The following C12orf60 variants were observed in gnomAD, a reference collection of about 807,000 sequenced individuals.
The protein encoded by C12orf60 is chromosome 12 open reading frame 60.
For missense variants in C12orf60, 284 were observed against 283.2 expected (o/e 1.00, Z -0.02); for synonymous variants, 102 against 94.6 (o/e 1.08, Z -0.45).
intron 1 of C12orf60, among the ~76,000 whole-genome samples, chr12:14,822,197 G>T (rs1376390989): frequency 6.8e-6 from 1 of 147,962 alleles, no homozygotes; most frequent in African/African-American, 2.5e-5. Flanking sequence ...CCCTGCACCT[G>T]ATTTGCTGTG....
At position 14,820,651 on chromosome 12, in the gene C12orf60, T is replaced by A. The variant is rs541252675; in HGVS notation, c.-24-2261T>A. 1.1e-4 allele frequency among the ~76,000 whole-genome samples: 16 copies of A among 152,220 alleles called. No homozygotes were observed. In the South Asian group the frequency reaches 2.3e-3, roughly 22 times the overall value. ...TTTGTAATTTTTCATGTATCTTCTT[T>A]GTTGACTTCTATTTTAATTCTATTA... On this transcript the variant is annotated intron_variant, in intron 1 of 1. Coordinates refer to ENST00000330828, the MANE Select transcript of C12orf60 (RefSeq NM_175874.4).
Position 14,817,794 on chromosome 12 carries a change from T to C in C12orf60, c.-24-5118T>C, listed in dbSNP as rs184991526. Among the ~76,000 whole-genome samples, 3 of 152,356 alleles carry C rather than the reference T, an allele frequency of 2.0e-5. No individual in the cohort carries two copies. The East Asian group carries it at 5.8e-4, about 29-fold the overall frequency. On this transcript the variant is annotated intron_variant, in intron 1 of 1. Coordinates refer to ENST00000330828, the MANE Select transcript of C12orf60 (RefSeq NM_175874.4). ...TAAATAGTGCTGCAATAAACATACA[T>C]GTGCATGTGTCTTCATAGTAGCATG... is the stretch of plus-strand genomic sequence containing the variant.
intron 1 of C12orf60, among the ~76,000 whole-genome samples, chr12:14,812,768 A>C (rs1213038310): frequency 6.6e-6 from 1 of 151,906 alleles, no homozygotes; most frequent in Non-Finnish European, 1.5e-5. Flanking sequence ...TACAATTTTT[A>C]TTTTAGATTC....
At chr12:14,803,787 G>A (rs1333445767) in intron 1 of C12orf60, 36 bp downstream of exon 1, 3 of 311,594 alleles carry the variant, frequency 9.6e-6, no homozygotes, top group African/African-American at 2.1e-5. Context: ...ACATTCTGCA[G>A]ATAAAGAAGC....
intron 1 of C12orf60, among the ~76,000 whole-genome samples, chr12:14,815,578 A>C (rs1950202428): frequency 6.6e-6 from 1 of 152,198 alleles, no homozygotes. Flanking sequence ...CATTCTGTAG[A>C]TAATAATGAA....
At chr12:14,812,931 A>T (rs570010919) in intron 1 of C12orf60, among the ~76,000 whole-genome samples, 6 of 152,248 alleles carry the variant, frequency 3.9e-5, no homozygotes, top group African/African-American at 1.4e-4. Context: ...GGGAAGAGTA[A>T]GGTTAAATTT....
At chr12:14,821,601 G>T (rs1384384131) in intron 1 of C12orf60, among the ~76,000 whole-genome samples, 1 of 152,106 alleles carries the variant, frequency 6.6e-6, no homozygotes, top group Admixed American at 6.5e-5. Context: ...TTTCAGCTAC[G>T]TAAGTCTCCT....
intron 1 of C12orf60, among the ~76,000 whole-genome samples, chr12:14,813,072 T>C (rs1340944216): frequency 1.3e-5 from 2 of 152,208 alleles, no homozygotes; most frequent in African/African-American, 4.8e-5. Context: ...GGAAAAAAGA[T>C]TGGCCTTGTT....
intron 1 of C12orf60, among the ~76,000 whole-genome samples, chr12:14,818,040 G>T (rs1177407584): frequency 1.3e-5 from 2 of 152,132 alleles, no homozygotes; most frequent in Non-Finnish European, 2.9e-5. Context: ...GCATGAGATG[G>T]TATCTCACTG....
chr12:14,809,717 A>T (rs1192886114), intron 1 of C12orf60, among the ~76,000 whole-genome samples: 1 of 151,812 alleles, frequency 6.6e-6, no homozygotes, highest in African/African-American at 2.4e-5. Flanking sequence ...AAAACCAATA[A>T]AAAAAAAGCA....
intron 1 of C12orf60, among the ~76,000 whole-genome samples, chr12:14,812,211 G>C (rs543068960): frequency 6.6e-6 from 1 of 152,318 alleles, no homozygotes; most frequent in South Asian, 2.1e-4. Context: ...TTGGGAGGCC[G>C]AGGCGGGCGG....
intron 1 of C12orf60, among the ~76,000 whole-genome samples, chr12:14,807,194 G>A (rs114297736): frequency 0.012 from 1,780 of 152,276 alleles, 36 homozygotes; most frequent in African/African-American, 0.04. Flanking sequence ...GAAAGTGTAG[G>A]CAACAGAATA....
At chr12:14,822,814 A>AG (rs1294992668) in intron 1 of C12orf60, 98 bp from the exon 2 acceptor site, 1 of 1,011,956 alleles carries the variant, frequency 9.9e-7, no homozygotes, top group Non-Finnish European at 1.4e-6. Flanking sequence ...TGCCCTTGGC[A>AG]GGGGGAGTTA....
Position 14,823,372 on chromosome 12 carries a change from T to C in C12orf60, c.437T>C (p.Phe146Ser), listed in dbSNP as rs751012976. 3.1e-6 allele frequency: 5 copies of C among 1,614,022 alleles called. No individual in the cohort carries two copies. The East Asian group carries it at 6.7e-5, about 22-fold the overall frequency. Residue 146 changes from phenylalanine to serine, a missense_variant, in exon 2 of 2, where the codon TTC (phenylalanine) becomes TCC (serine). Coordinates refer to ENST00000330828, the MANE Select transcript of C12orf60 (RefSeq NM_175874.4). The part of the protein sequence containing the change: ...LESSLSHLMK[F>S]PIMNLQLSDF... ...TCTTCTCTTTCACACTTGATGAAAT[T>C]CCCCATCATGAATCTTCAATTAAGT...
At chr12:14,806,380 C>G (rs1188794050) in intron 1 of C12orf60, 1 of 1,614,168 alleles carries the variant, frequency 6.2e-7, no homozygotes, top group African/African-American at 1.3e-5. Flanking sequence ...TCCTTAATAT[C>G]CTGAAGTTTT....
At position 14,808,560 on chromosome 12, in the gene C12orf60, G is replaced by A. The variant is rs112898578; in HGVS notation, c.-25+4809G>A. 9.8e-5 allele frequency among the ~76,000 whole-genome samples: 15 copies of A among 152,286 alleles called. 1 individual carries two copies. The highest frequency in any genetic ancestry group is 3.6e-4 in the African/African-American group (15 of 41,566). On this transcript the variant is annotated intron_variant, in intron 1 of 1. Coordinates refer to ENST00000330828, the MANE Select transcript of C12orf60 (RefSeq NM_175874.4). ...CCTCAGAAGTATGGAATGTAGGAAT[G>A]AAGATTTTTTTCTTTCAAGAAAGTA...
intron 1 of C12orf60, among the ~76,000 whole-genome samples, chr12:14,812,760 C>T (rs1469007097): frequency 6.6e-6 from 1 of 151,754 alleles, no homozygotes; most frequent in Non-Finnish European, 1.5e-5. Context: ...AAAATTTTTA[C>T]AATTTTTATT....
At chr12:14,805,978 C>T in intron 1 of C12orf60, 2 of 1,574,096 alleles carry the variant, frequency 1.3e-6, no homozygotes, top group East Asian at 2.2e-5. Context: ...CAGAAAAACA[C>T]TTCAGTGGCA....
At chr12:14,810,447 T>C (rs915901285) in intron 1 of C12orf60, among the ~76,000 whole-genome samples, 1 of 152,180 alleles carries the variant, frequency 6.6e-6, no homozygotes, top group Non-Finnish European at 1.5e-5. Flanking sequence ...TTACCACGTG[T>C]AAGGTCATAT....
Sources: gnomAD v4.1 joint callset for allele counts (sites outside exome capture counted in the v4.1 genomes callset) on GRCh38, gnomAD v4.1.1 for gene constraint, MANE v1.5 for transcripts, NCBI Gene and HGNC (gene_info 2026-07-23, HGNC 2026-07-21) for gene names.